DIP2B: variants seen among roughly 807,000 people sequenced by gnomAD.
The protein encoded by DIP2B is disco-interacting protein 2 homolog B.
Under a neutral mutation model 198.0 loss-of-function variants are expected in DIP2B, and 76 were observed. The observed-to-expected ratio is 0.38, with a 90% confidence interval of 0.32 to 0.46. The LOEUF (loss-of-function observed/expected upper bound fraction) is 0.46. Among genes scored for constraint, DIP2B ranks in the 20% least tolerant of loss-of-function variants. DIP2B has a pLI of 0.99. For synonymous variants in DIP2B, 701 were observed against 739.1 expected, an observed-to-expected ratio of 0.95 and a Z score of 0.84; for missense variants, 1,559 against 1,978.4, an observed-to-expected ratio of 0.79 and a Z score of 4.02.
chr12:50,705,892 T>A (rs1939504828), intron 20 of DIP2B, among the ~76,000 whole-genome samples: 1 of 152,218 alleles, frequency 6.6e-6, no homozygotes, highest in African/African-American at 2.4e-5. Context: ...ACTAAGAAAT[T>A]TAGAAATTCT....
intron 25 of DIP2B, among the ~76,000 whole-genome samples, chr12:50,719,547 T>A (rs1461245784): frequency 2.0e-5 from 3 of 152,162 alleles, no homozygotes; most frequent in Non-Finnish European, 4.4e-5. Flanking sequence ...TTCGTTATAA[T>A]ACTGTATTTT....
chr12:50,601,498 A>T (rs1046153003), intron 1 of DIP2B, among the ~76,000 whole-genome samples: 2 of 151,596 alleles, frequency 1.3e-5, no homozygotes, highest in African/African-American at 4.8e-5. Flanking sequence ...ACGCCCAGCT[A>T]ATTTTTTTCT....
chr12:50,742,761 T>TG (rs1380572106), intron 37 of DIP2B, among the ~76,000 whole-genome samples: 3 of 152,038 alleles, frequency 2.0e-5, no homozygotes, highest in Admixed American at 6.5e-5. Flanking sequence ...CTGGACGCAG[T>TG]GGCAGGCACC....
chr12:50,530,343 G>T (rs542739992), intron 1 of DIP2B, among the ~76,000 whole-genome samples: 51 of 152,320 alleles, frequency 3.3e-4, no homozygotes, highest in African/African-American at 1.2e-3. Context: ...GCCTCCCAAA[G>T]TGCTGGGATT....
intron 1 of DIP2B, among the ~76,000 whole-genome samples, chr12:50,571,170 C>CTTT (rs71083599): frequency 6.3e-5 from 8 of 126,906 alleles, no homozygotes; most frequent in African/African-American, 1.5e-4. Flanking sequence ...TTGGCAGCCT[C>CTTT]TTTTTTTTTT....
At chr12:50,738,860 A>T (rs1276019977) in intron 35 of DIP2B, among the ~76,000 whole-genome samples, 1 of 152,226 alleles carries the variant, frequency 6.6e-6, no homozygotes, top group African/African-American at 2.4e-5. Context: ...AAATGTATTA[A>T]CACCTGCATC....
intron 2 of DIP2B, among the ~76,000 whole-genome samples, chr12:50,638,250 C>T (rs1270533054): frequency 6.6e-6 from 1 of 152,164 alleles, no homozygotes; most frequent in Non-Finnish European, 1.5e-5. Flanking sequence ...TCCATTCCAG[C>T]ACGTATTTGT....
chr12:50,569,057 A>C (rs551425946), intron 1 of DIP2B, among the ~76,000 whole-genome samples: 5 of 149,828 alleles, frequency 3.3e-5, no homozygotes, highest in African/African-American at 9.8e-5. Flanking sequence ...TTTCCTAATC[A>C]CAATCTCTGC....
At chr12:50,594,868 T>G (rs1958865109) in intron 1 of DIP2B, among the ~76,000 whole-genome samples, 1 of 152,224 alleles carries the variant, frequency 6.6e-6, no homozygotes, top group Admixed American at 6.5e-5. Context: ...ATTACTAGTT[T>G]TTAGGTAGCG....
chr12:50,720,268 G>C (rs1939810706), intron 25 of DIP2B, among the ~76,000 whole-genome samples: 1 of 152,034 alleles, frequency 6.6e-6, no homozygotes, highest in African/African-American at 2.4e-5. Context: ...GTGGGAGTCA[G>C]CTGAATTTTT....
intron 35 of DIP2B, 100 bp downstream of exon 35, chr12:50,737,210 C>A: frequency 9.0e-7 from 1 of 1,114,470 alleles, no homozygotes; most frequent in Non-Finnish European, 1.3e-6. Flanking sequence ...AGCTTTCCCC[C>A]GTTGTGAATG....
Position 50,683,254 on chromosome 12 carries a change from A to G in DIP2B, c.1317+6A>G. On this transcript the variant is annotated splice_donor_region_variant and intron_variant, in intron 10 of 37. Coordinates refer to ENST00000301180, the MANE Select transcript of DIP2B (RefSeq NM_173602.3). Reference sequence around the variant, plus strand: ...AGGTACCTCTTACCAGAAAGGTAACATTGCTAAATTTAAGAGGAATGTAGC... The same window carrying G: ...AGGTACCTCTTACCAGAAAGGTAACGTTGCTAAATTTAAGAGGAATGTAGC... 2.5e-6 allele frequency: 4 copies of G among 1,605,204 alleles called. No homozygotes were observed. The highest frequency in any genetic ancestry group is 1.7e-5 in the Admixed American group (1 of 58,636).
intron 1 of DIP2B, among the ~76,000 whole-genome samples, chr12:50,506,707 C>G (rs1039664324): frequency 6.6e-6 from 1 of 152,170 alleles, no homozygotes. Context: ...TAAGTTCCCC[C>G]CGCTTCGAAA....
chr12:50,735,813 T>C (rs140631003), intron 34 of DIP2B, among the ~76,000 whole-genome samples: 3 of 152,118 alleles, frequency 2.0e-5, no homozygotes, highest in African/African-American at 4.8e-5. Flanking sequence ...GAGGCCGAGA[T>C]GGGAGTGTGG....
In DIP2B at chr12:50,699,212, A is replaced by G. The variant is rs1322491910; in HGVS notation, c.2325+10A>G. 2 of 1,613,634 alleles carry G rather than the reference A, an allele frequency of 1.2e-6. No homozygotes were observed. The highest frequency in any genetic ancestry group is 1.7e-6 in the Non-Finnish European group (2 of 1,179,912). ...AAAAAATACATTTGAGGTACATGATATTAACATTTCACAGGGAAAATGTTT... is the reference window on the plus strand; with the variant it reads ...AAAAAATACATTTGAGGTACATGATGTTAACATTTCACAGGGAAAATGTTT... On this transcript the variant is annotated intron_variant, in intron 19 of 37. Transcript: ENST00000301180.
Position 50,512,267 on chromosome 12 carries a change from C to T in DIP2B, c.100+7027C>T, listed in dbSNP as rs112900981. On this transcript the variant is annotated intron_variant, in intron 1 of 37. Transcript: ENST00000301180. ...GATTACAGGCTTGTGCCACCACGCCCGGCTAATTTTTGTATTTTTAGTAGA... is the reference window on the plus strand; with the variant it reads ...GATTACAGGCTTGTGCCACCACGCCTGGCTAATTTTTGTATTTTTAGTAGA... Among the ~76,000 whole-genome samples the T allele has an allele frequency of 2.7e-4, 41 of 151,834 alleles. 1 individual carries two copies. Among genetic ancestry groups the T allele is most frequent in the African/African-American group, 8.4e-4 (35 of 41,428 alleles).
At chr12:50,543,298 T>G (rs747501123) in intron 1 of DIP2B, among the ~76,000 whole-genome samples, 1 of 151,870 alleles carries the variant, frequency 6.6e-6, no homozygotes, top group Non-Finnish European at 1.5e-5. Flanking sequence ...TCCCCCTTTT[T>G]TATTTATTTT....
intron 8 of DIP2B, 77 bp downstream of exon 8, chr12:50,678,953 C>A (rs966475228): frequency 1.3e-6 from 2 of 1,492,004 alleles, no homozygotes; most frequent in Non-Finnish European, 1.8e-6. Flanking sequence ...TATCTAGATA[C>A]TTAGCAGTTG....
intron 23 of DIP2B, among the ~76,000 whole-genome samples, chr12:50,717,931 C>T (rs1486455068): frequency 3.2e-5 from 3 of 94,696 alleles, no homozygotes; most frequent in African/African-American, 4.3e-5. Flanking sequence ...GATGTAGTCT[C>T]GCTCTGTCGC....
Sources: allele counts gnomAD v4.1 joint callset (sites outside exome capture counted in the v4.1 genomes callset), GRCh38; gene constraint gnomAD v4.1.1; transcripts MANE v1.5; gene names NCBI Gene and HGNC (gene_info 2026-07-23, HGNC 2026-07-21).